The following KCNMB4 variants were observed in gnomAD, a reference collection of about 807,000 sequenced individuals.
KCNMB4 encodes the protein potassium calcium-activated channel subfamily M regulatory beta subunit 4.
Under a neutral mutation model 20.7 loss-of-function variants are expected in KCNMB4, and 3 were observed. The observed-to-expected ratio is 0.14, with a 90% CI of 0.07 to 0.37. KCNMB4 has a LOEUF of 0.37. Ranked by LOEUF, KCNMB4 falls within the 10% of genes least tolerant of loss-of-function variation. KCNMB4 has a pLI of 1.00. For missense variants in KCNMB4, 168 were observed against 265.9 expected (o/e 0.63, Z 2.56); for synonymous variants, 110 against 113.4 (o/e 0.97, Z 0.19).
At chr12:70,426,044 C>T (rs912117610) in intron 2 of KCNMB4, among the ~76,000 whole-genome samples, 12 of 152,050 alleles carry the variant, frequency 7.9e-5, no homozygotes, top group African/African-American at 2.2e-4. Flanking sequence ...TCTGTAATCC[C>T]AGCACTTTGG....
intron 2 of KCNMB4, 103 bp from the exon 3 acceptor site, chr12:70,430,382 C>T: frequency 8.2e-7 from 1 of 1,219,398 alleles, no homozygotes; most frequent in Non-Finnish European, 1.2e-6. Context: ...CCTTTACTTT[C>T]AATAATGGTT....
At chr12:70,382,492 A>C (rs1883807871) in intron 1 of KCNMB4, among the ~76,000 whole-genome samples, 1 of 151,816 alleles carries the variant, frequency 6.6e-6, no homozygotes, top group South Asian at 2.1e-4. Context: ...GAAAGTACTA[A>C]ATAAAATTTG....
Position 70,366,726 on chromosome 12 carries a change from T to TG in KCNMB4, c.-3dup, listed in dbSNP as rs1883500418. The TG allele has an allele frequency of 9.9e-6, 15 of 1,518,368 alleles. No individual in the cohort carries two copies. The highest frequency in any genetic ancestry group is 1.2e-5 in the Non-Finnish European group (14 of 1,131,766). The allele number at this position is 1,518,368 out of a possible 1,614,324, so 94.1% of individuals were successfully genotyped here. On this transcript the variant is annotated 5_prime_UTR_variant, in exon 1 of 3. Transcript: ENST00000258111. Reference sequence around the variant, plus strand: ...GGGGGAGCACGCCAGCCGCCGAGAGTGGGGGGCGATGGCGAAGCTCCGGGT... The same window carrying TG: ...GGGGGAGCACGCCAGCCGCCGAGAGTGGGGGGGCGATGGCGAAGCTCCGGGT...
At chr12:70,376,121 C>A (rs915408186) in intron 1 of KCNMB4, among the ~76,000 whole-genome samples, 2 of 145,350 alleles carry the variant, frequency 1.4e-5, no homozygotes, top group Admixed American at 7.0e-5. Flanking sequence ...GAGAAAAAAA[C>A]ATTGACAAAA....
intron 1 of KCNMB4, among the ~76,000 whole-genome samples, chr12:70,399,122 C>G (rs1868391238): frequency 6.6e-6 from 1 of 152,172 alleles, no homozygotes; most frequent in Admixed American, 6.5e-5. Flanking sequence ...AGGCAGGGAC[C>G]AGATCACAAA....
intron 2 of KCNMB4, among the ~76,000 whole-genome samples, chr12:70,429,723 G>A (rs964027722): frequency 5.3e-5 from 8 of 150,852 alleles, no homozygotes; most frequent in Non-Finnish European, 7.4e-5. Context: ...TCTAATGGCC[G>A]AAGATTAGAG....
intron 2 of KCNMB4, among the ~76,000 whole-genome samples, chr12:70,408,234 G>A (rs562878728): frequency 6.6e-6 from 1 of 152,246 alleles, no homozygotes; most frequent in African/African-American, 2.4e-5. Flanking sequence ...TATGTGAGAG[G>A]AAACAGGAGT....
At position 70,430,995 on chromosome 12, in the gene KCNMB4, T is replaced by C. The variant is rs568122292; in HGVS notation, c.*342T>C. ...CATTATGATTTATGCTACTTAAAAA[T>C]ATTAAAATAGAGTGGTCTGTGTTAT... On this transcript the variant is annotated 3_prime_UTR_variant, in exon 3 of 3. Coordinates refer to ENST00000258111, the MANE Select transcript of KCNMB4 (RefSeq NM_014505.6). The C allele has an allele frequency of 6.2e-6, 1 of 161,768 alleles. No individual in the cohort carries two copies. The highest frequency in any genetic ancestry group is 1.7e-4 in the East Asian group (1 of 5,732). 10.0% of individuals were successfully genotyped at this position (161,768 alleles called of 1,614,324 possible).
chr12:70,395,030 C>T (rs190088477), intron 1 of KCNMB4, among the ~76,000 whole-genome samples: 1 of 152,056 alleles, frequency 6.6e-6, no homozygotes, highest in East Asian at 1.9e-4. Context: ...TGATTATATG[C>T]TCATACTGTC....
chr12:70,406,189 G>A, intron 2 of KCNMB4, among the ~76,000 whole-genome samples: 1 of 152,116 alleles, frequency 6.6e-6, no homozygotes, highest in Non-Finnish European at 1.5e-5. Flanking sequence ...AGATCAATAG[G>A]CTCTACAGAC....
intron 1 of KCNMB4, among the ~76,000 whole-genome samples, chr12:70,399,849 T>C (rs186749295): frequency 1.4e-4 from 22 of 152,306 alleles, no homozygotes; most frequent in African/African-American, 4.6e-4. Flanking sequence ...TAGATAGCAA[T>C]TGGGGATAAA....
At chr12:70,373,660 C>T (rs548543314) in intron 1 of KCNMB4, among the ~76,000 whole-genome samples, 7 of 152,094 alleles carry the variant, frequency 4.6e-5, no homozygotes, top group Admixed American at 6.5e-5. Flanking sequence ...AAGTCAAGGA[C>T]GGTTTTTGAG....
chr12:70,420,264 G>A (rs549457676), intron 2 of KCNMB4, among the ~76,000 whole-genome samples: 15 of 152,250 alleles, frequency 9.9e-5, no homozygotes, highest in African/African-American at 3.1e-4. Flanking sequence ...CCATAATCCC[G>A]ATGGATTTAT....
intron 1 of KCNMB4, among the ~76,000 whole-genome samples, chr12:70,376,871 CA>C (rs57274414): frequency 0.53 from 66,603 of 126,634 alleles, 16,142 homozygotes; most frequent in African/African-American, 0.7. Flanking sequence ...GACCTTGTCT[CA>C]AAAAAAAAAA....
chr12:70,429,846 C>T (rs1282031460), intron 2 of KCNMB4, among the ~76,000 whole-genome samples: 1 of 151,970 alleles, frequency 6.6e-6, no homozygotes, highest in Non-Finnish European at 1.5e-5. Flanking sequence ...TAGGACTTTG[C>T]AAGATTTATT....
chr12:70,388,480 G>A (rs150483252), intron 1 of KCNMB4, among the ~76,000 whole-genome samples: 145 of 152,144 alleles, frequency 9.5e-4, no homozygotes, highest in African/African-American at 3.3e-3. Flanking sequence ...CTCCCACCAA[G>A]AGTGTACAAG....
At chr12:70,424,419 C>T (rs1216901531) in intron 2 of KCNMB4, among the ~76,000 whole-genome samples, 1 of 142,596 alleles carries the variant, frequency 7.0e-6, no homozygotes, top group Non-Finnish European at 1.5e-5. Flanking sequence ...CCAGCCTGGG[C>T]AACAGAGCGA....
rs189820570 is a variant in KCNMB4 at position 70,418,977 on chromosome 12, G to A, written c.465-11508G>A. On this transcript the variant is annotated intron_variant, in intron 2 of 2. Transcript: ENST00000258111. ...AATTTGGCTTCACAAAGTAAAATAA[G>A]GGGCCCCATTGTTTTGTCTTAATCA... is the stretch of plus-strand genomic sequence containing the variant. Among the ~76,000 whole-genome samples the A allele has an allele frequency of 6.6e-4, 100 of 152,222 alleles. No individual in the cohort carries two copies. In the Middle Eastern group the frequency reaches 0.02, roughly 31 times the overall value.
At chr12:70,396,077 C>T (rs1868348156) in intron 1 of KCNMB4, among the ~76,000 whole-genome samples, 2 of 152,124 alleles carry the variant, frequency 1.3e-5, no homozygotes, top group Admixed American at 6.6e-5. Flanking sequence ...AACAGACTTG[C>T]CTCAACCCAT....
Sources: gnomAD v4.1 joint callset for allele counts (sites outside exome capture counted in the v4.1 genomes callset) on GRCh38, gnomAD v4.1.1 for gene constraint, MANE v1.5 for transcripts, NCBI Gene and HGNC (gene_info 2026-07-23, HGNC 2026-07-21) for gene names.